HUWE1: variants seen among roughly 807,000 people sequenced by gnomAD.
HUWE1 encodes the protein HECT, UBA and WWE domain containing E3 ubiquitin protein ligase 1.
A neutral mutation model predicts 299.4 loss-of-function variants in HUWE1; 18 were observed. The ratio of observed to expected loss-of-function variants is 0.06; its 90% confidence interval spans 0.04 to 0.09. The LOEUF (loss-of-function observed/expected upper bound fraction) is 0.09. Among genes scored for constraint, HUWE1 ranks in the 10% least tolerant of loss-of-function variants. HUWE1 has a pLI of 1.00. For synonymous variants in HUWE1, 1,317 were observed against 1,286.1 expected (o/e 1.02, Z -0.51); for missense variants, 1,832 against 3,462.3 (o/e 0.53, Z 11.82).
At chrX:53,671,237 C>T (rs1376125945) in intron 3 of HUWE1, among the ~76,000 whole-genome samples, 2 of 111,301 alleles carry the variant, frequency 1.8e-5, no homozygotes. Context: ...AAGGAACTTA[C>T]TCATGTAACC....
chrX:53,550,635 G>T, intron 66 of HUWE1, 31 bp downstream of exon 66: 1 of 1,146,933 alleles, frequency 8.7e-7, no homozygotes, highest in Non-Finnish European at 1.2e-6. Context: ...CTTGAGTGGT[G>T]ATATGGTAAG....
At position 53,549,484 on chromosome X, in the gene HUWE1, A is replaced by G. The variant is rs782808225; in HGVS notation, c.9510T>C (p.Asp3170=). 2 of 1,206,063 alleles carry G rather than the reference A, an allele frequency of 1.7e-6. No homozygotes were observed. Among genetic ancestry groups the G allele is most frequent in the African/African-American group, 3.5e-5 (2 of 57,070 alleles). Residue 3170 remains aspartate, a synonymous_variant, in exon 67 of 84, where the codon GAT becomes GAC. Transcript: ENST00000262854. ...GCCGTCCTCGGAGGCGGAGGAGAGTATCTACATTACTGCCAGAAGGCCTGG... is the reference window on the plus strand; with the variant it reads ...GCCGTCCTCGGAGGCGGAGGAGAGTGTCTACATTACTGCCAGAAGGCCTGG... The part of the protein sequence containing the change: ...SHNRPSGSNV[D]TLLRLRGRLL...
intron 60 of HUWE1, chrX:53,556,112 C>CGG (rs2147463287): frequency 6.4e-6 from 2 of 311,697 alleles, no homozygotes; most frequent in South Asian, 3.0e-5. Flanking sequence ...TGACATCTGC[C>CGG]TCACCCTAAA....
chrX:53,613,294 C>T (rs1404626262), intron 23 of HUWE1, among the ~76,000 whole-genome samples: 1 of 111,686 alleles, frequency 9.0e-6, no homozygotes, highest in African/African-American at 3.3e-5. Flanking sequence ...AGGCTCATCA[C>T]TATTTAGAGT....
chrX:53,671,791 CA>C (rs60356592), intron 3 of HUWE1, among the ~76,000 whole-genome samples: 1,370 of 28,429 alleles, frequency 0.048, 6 homozygotes, highest in African/African-American at 0.12. Context: ...GACTCCGTCT[CA>C]AAAAAAAAAA....
At chrX:53,627,317 T>C in intron 17 of HUWE1, 93 bp downstream of exon 17, 14 of 576,757 alleles carry the variant, frequency 2.4e-5, no homozygotes, top group Non-Finnish European at 4.1e-5. Context: ...AAGTTAATTG[T>C]GTACTTTGGA....
In HUWE1 at chrX:53,648,116, G is replaced by A. The variant is rs960293074; in HGVS notation, c.144+96C>T. On this transcript the variant is annotated intron_variant, in intron 5 of 83. Coordinates refer to ENST00000262854, the MANE Select transcript of HUWE1 (RefSeq NM_031407.7). ...TAGATGCTTATTAATTGCTGAATGA[G>A]GCTATCCCATTGTGGTTTCTTATTC... The A allele has an allele frequency of 3.3e-5, 19 of 582,341 alleles. No homozygotes were observed. In the African/African-American group the frequency reaches 4.0e-4, roughly 12 times the overall value. 48.0% of individuals were successfully genotyped at this position (582,341 alleles called of 1,213,427 possible).
intron 3 of HUWE1, among the ~76,000 whole-genome samples, chrX:53,669,947 T>A (rs782631847): frequency 8.9e-6 from 1 of 112,362 alleles, no homozygotes; most frequent in East Asian, 2.8e-4. Context: ...ATAGCAAACA[T>A]GTTATAGTTT....
At chrX:53,578,918 C>T (rs1556963163) in intron 43 of HUWE1, among the ~76,000 whole-genome samples, 46 of 74,747 alleles carry the variant, frequency 6.2e-4, no homozygotes, top group Admixed American at 1.5e-3. Flanking sequence ...GATCAGCCCC[C>T]CGCCTGGCCA....
At chrX:53,633,404 A>C (rs1046424316) in intron 8 of HUWE1, among the ~76,000 whole-genome samples, 10 of 112,556 alleles carry the variant, frequency 8.9e-5, no homozygotes, top group African/African-American at 3.2e-4. Context: ...TTCAAGATTT[A>C]TGTAGTTTTG....
intron 60 of HUWE1, 26 bp from the exon 61 acceptor site, chrX:53,554,946 G>T (rs782128583): frequency 9.0e-7 from 1 of 1,115,967 alleles, no homozygotes; most frequent in African/African-American, 1.8e-5. Context: ...CAATAATAGT[G>T]GTTAAGGGGC....
intron 3 of HUWE1, among the ~76,000 whole-genome samples, chrX:53,671,791 CAAAAA>C (rs60356592): frequency 3.5e-5 from 1 of 28,553 alleles, no homozygotes; most frequent in African/African-American, 1.1e-4. Flanking sequence ...GACTCCGTCT[CAAAAA>C]AAAAAAAAAA....
Position 53,680,202 on chromosome X carries a change from TG to T in HUWE1, c.-162-17del. On this transcript the variant is annotated splice_polypyrimidine_tract_variant and intron_variant, in intron 2 of 83. Coordinates refer to ENST00000262854, the MANE Select transcript of HUWE1 (RefSeq NM_031407.7). Reference sequence around the variant, plus strand: ...GCTGGAGGACCTACAAAAAAAAAGTTGGGGGAGAGGAGTGAGATACACAACA... The same window carrying T: ...GCTGGAGGACCTACAAAAAAAAAGTTGGGGAGAGGAGTGAGATACACAACA... 6.8e-6 allele frequency: 2 copies of T among 295,683 alleles called. No individual in the cohort carries two copies. The highest frequency in any genetic ancestry group is 1.2e-5 in the Non-Finnish European group (2 of 169,400). 24.4% of individuals were successfully genotyped at this position (295,683 alleles called of 1,213,427 possible).
intron 29 of HUWE1, among the ~76,000 whole-genome samples, chrX:53,596,611 A>C (rs781907386): frequency 1.8e-5 from 2 of 112,065 alleles, no homozygotes; most frequent in Non-Finnish European, 3.8e-5. Flanking sequence ...AATCTGCTTA[A>C]AACACTGTGT....
rs2062071575 is a variant in HUWE1, at chrX:53,557,420, G to A, written c.8168C>T (p.Ala2723Val). Residue 2723 changes from alanine (A) to valine (V), a missense_variant, in exon 60 of 84, where the codon GCA (alanine) becomes GTA (valine). By Grantham distance (64) the Ala-to-Val change is moderately conservative. Around this residue, in one of 15 missense-constraint regions of HUWE1, gnomAD observed 143 missense variants for 148.1 expected, o/e 0.97. Coordinates refer to ENST00000262854, the MANE Select transcript of HUWE1 (RefSeq NM_031407.7). ...TTCAGTGGAGTCATTTGACTTAGATGCAGTACACTGCAAAAAGAAGGGATA... is the reference window on the plus strand; with the variant it reads ...TTCAGTGGAGTCATTTGACTTAGATACAGTACACTGCAAAAAGAAGGGATA... ...ENRDQSAQCT[A>V]SKSNDSTEQN... The A allele has an allele frequency of 8.3e-7, 1 of 1,204,972 alleles. No homozygotes were observed. Among genetic ancestry groups the A allele is most frequent in the African/African-American group, 1.8e-5 (1 of 57,133 alleles).
rs113037415 is a variant in HUWE1 at position 53,575,482 on chromosome X, T to G, written c.6030+161A>C. On this transcript the variant is annotated intron_variant, in intron 45 of 83. Transcript: ENST00000262854. Reference sequence around the variant, plus strand: ...TCTAATCCTAGGAGAGAAAAAAAAGTCTCCAGGGACACCCCAATTTTGTCT... The same window carrying G: ...TCTAATCCTAGGAGAGAAAAAAAAGGCTCCAGGGACACCCCAATTTTGTCT... 0.094 allele frequency among the ~76,000 whole-genome samples: 10,447 copies of G among 110,694 alleles called. 516 individuals carry two copies. Among genetic ancestry groups the G allele is most frequent in the Non-Finnish European group, 0.15 (7,802 of 52,688 alleles).
chrX:53,545,186 G>A (rs782019899), intron 70 of HUWE1, 25 bp from the exon 71 acceptor site: 4 of 1,203,724 alleles, frequency 3.3e-6, no homozygotes, highest in African/African-American at 1.8e-5. Flanking sequence ...GAGTCAGCAA[G>A]TGTTCAGAGA....
chrX:53,668,897 A>C (rs1034569256), intron 3 of HUWE1, among the ~76,000 whole-genome samples: 3 of 112,051 alleles, frequency 2.7e-5, no homozygotes, highest in Non-Finnish European at 5.6e-5. Flanking sequence ...ACAACCAACA[A>C]CTTAAACTCT....
chrX:53,652,560 GTTTTC>G (rs1677785823), intron 4 of HUWE1, among the ~76,000 whole-genome samples: 1 of 111,707 alleles, frequency 9.0e-6, no homozygotes, highest in African/African-American at 3.3e-5. Flanking sequence ...TCTTAAGCAA[GTTTTC>G]TTTTTGTCCT....
Sources: gnomAD v4.1 joint callset for allele counts (sites outside exome capture counted in the v4.1 genomes callset) on GRCh38, gnomAD v4.1.1 for gene constraint, gnomAD v4.1.1 regional missense constraint, MANE v1.5 for transcripts, NCBI Gene and HGNC (gene_info 2026-07-23, HGNC 2026-07-21) for gene names.